Variants in FAM110B observed in about 807,000 individuals in gnomAD.
FAM110B encodes protein FAM110B.
FAM110B carries 6 observed loss-of-function variants against 20.4 expected under a neutral mutation model. That is an observed-to-expected ratio of 0.29 (90% confidence interval 0.16 to 0.58). The LOEUF is 0.58. Among genes scored for constraint, FAM110B ranks in the 20% least tolerant of loss-of-function variants. FAM110B has a pLI of 0.90. For missense variants in FAM110B, 434 were observed against 498.2 expected (o/e 0.87, Z 1.23); for synonymous variants, 226 against 214.1 (o/e 1.06, Z -0.49).
At chr8:58,103,070 T>C (rs1013267517) in intron 3 of FAM110B, among the ~76,000 whole-genome samples, 12 of 151,626 alleles carry the variant, frequency 7.9e-5, no homozygotes, top group Non-Finnish European at 1.2e-4. Flanking sequence ...AAACTCCTAT[T>C]TTGTTTAAAA....
chr8:57,999,815 G>T (rs1051516150), intron 1 of FAM110B, among the ~76,000 whole-genome samples: 6 of 152,094 alleles, frequency 3.9e-5, no homozygotes, highest in Admixed American at 1.3e-4. Flanking sequence ...TTTTCCATCT[G>T]GGCTTGGTGG....
At chr8:58,047,560 C>T (rs1301072865) in intron 2 of FAM110B, among the ~76,000 whole-genome samples, 9 of 137,564 alleles carry the variant, frequency 6.5e-5, no homozygotes, top group African/African-American at 2.1e-4. Flanking sequence ...GCACTCTGTA[C>T]CTCATCAAAT....
At chr8:58,046,664 TCAATGTATCCCTC>T (rs1372930890) in intron 2 of FAM110B, among the ~76,000 whole-genome samples, 1 of 152,200 alleles carries the variant, frequency 6.6e-6, no homozygotes, top group East Asian at 1.9e-4. Context: ...AAGAAGAAAA[TCAATGTATCCCTC>T]TTACCATAGG....
intron 2 of FAM110B, among the ~76,000 whole-genome samples, chr8:58,068,144 T>C (rs2150588790): frequency 6.6e-6 from 1 of 152,352 alleles, no homozygotes; most frequent in East Asian, 1.9e-4. Flanking sequence ...GAAGTGTTAC[T>C]AGCCTGTATC....
At chr8:58,001,375 G>GGT (rs10586422) in intron 1 of FAM110B, among the ~76,000 whole-genome samples, 27 of 151,256 alleles carry the variant, frequency 1.8e-4, no homozygotes, top group East Asian at 3.9e-4. Flanking sequence ...AGTGTGTGCA[G>GGT]GTGTGTGTGT....
chr8:58,084,393 CT>C lies in FAM110B; in HGVS notation c.-325+8785del, dbSNP rs574705921. On this transcript the variant is annotated intron_variant, in intron 3 of 3. Coordinates refer to ENST00000519262, the MANE Select transcript of FAM110B (RefSeq NM_001377989.1). ...GCAGTGGACTTGAATCTCCATTTTC[CT>C]TTTTTTTTTTTTTTGAGACGGAGTC... Among the ~76,000 whole-genome samples the C allele has an allele frequency of 2.5e-3, 346 of 140,664 alleles. 1 individual carries two copies. Among genetic ancestry groups the C allele is most frequent in the African/African-American group, 5.1e-3 (197 of 38,718 alleles). The allele number at this position is 140,664 out of a possible 152,430, so 92.3% of individuals were successfully genotyped here.
intron 3 of FAM110B, among the ~76,000 whole-genome samples, chr8:58,081,975 TTA>T (rs1806203815): frequency 6.6e-6 from 1 of 152,184 alleles, no homozygotes. Context: ...TATGATCAAT[TTA>T]TTTAAAACTT....
chr8:58,016,589 C>G (rs1367136944), intron 1 of FAM110B, among the ~76,000 whole-genome samples: 1 of 152,186 alleles, frequency 6.6e-6, no homozygotes, highest in African/African-American at 2.4e-5. Flanking sequence ...CAGCCAAGAA[C>G]CTGAAGGAAG....
At chr8:58,066,523 T>C (rs997333949) in intron 2 of FAM110B, among the ~76,000 whole-genome samples, 16 of 152,104 alleles carry the variant, frequency 1.1e-4, no homozygotes, top group Admixed American at 1.0e-3. Context: ...GCTGAGTAAG[T>C]GTCTGGTATG....
intron 3 of FAM110B, among the ~76,000 whole-genome samples, chr8:58,098,323 T>A (rs529692021): frequency 1.4e-4 from 21 of 152,236 alleles, no homozygotes; most frequent in Non-Finnish European, 2.8e-4. Flanking sequence ...TCGAACTTCC[T>A]GGCAGCTTTG....
At chr8:58,056,643 G>A (rs1369130691) in intron 2 of FAM110B, among the ~76,000 whole-genome samples, 2 of 152,198 alleles carry the variant, frequency 1.3e-5, no homozygotes, top group Non-Finnish European at 2.9e-5. Flanking sequence ...AATCACATGA[G>A]AACTTAGTTT....
intron 3 of FAM110B, among the ~76,000 whole-genome samples, chr8:58,097,861 C>A (rs1057058241): frequency 6.6e-6 from 1 of 152,162 alleles, no homozygotes; most frequent in African/African-American, 2.4e-5. Flanking sequence ...CACTCCAGAC[C>A]CTGTTTGCAT....
At chr8:58,115,424 C>T (rs1325335334) in intron 3 of FAM110B, among the ~76,000 whole-genome samples, 1 of 151,968 alleles carries the variant, frequency 6.6e-6, no homozygotes, top group Non-Finnish European at 1.5e-5. Flanking sequence ...GACAGAGTCT[C>T]GCTTTGTTGC....
chr8:58,046,852 G>T (rs1197626692), intron 2 of FAM110B, among the ~76,000 whole-genome samples: 1 of 152,182 alleles, frequency 6.6e-6, no homozygotes, highest in African/African-American at 2.4e-5. Context: ...CTTTACTGTA[G>T]TGACTATAGT....
intron 3 of FAM110B, among the ~76,000 whole-genome samples, chr8:58,098,760 A>G (rs7004271): frequency 0.31 from 47,520 of 151,584 alleles, 10,429 homozygotes; most frequent in African/African-American, 0.64. Flanking sequence ...AGCCCCTCAC[A>G]GCTTCCCTTG....
chr8:58,075,768 A>AAAAAT (rs904689892), intron 3 of FAM110B, 145 bp downstream of exon 3: 14 of 152,266 alleles, frequency 9.2e-5, no homozygotes, highest in African/African-American at 2.4e-4. Context: ...TAAATATTTA[A>AAAAAT]AAAATAAAAT....
intron 3 of FAM110B, among the ~76,000 whole-genome samples, chr8:58,141,481 A>G (rs1027567351): frequency 3.3e-5 from 5 of 152,174 alleles, no homozygotes; most frequent in East Asian, 1.9e-4. Context: ...TGCTCTTTCA[A>G]TACCCCCCTT....
At chr8:58,138,777 T>C (rs1803679288) in intron 3 of FAM110B, among the ~76,000 whole-genome samples, 1 of 152,214 alleles carries the variant, frequency 6.6e-6, no homozygotes, top group Non-Finnish European at 1.5e-5. Context: ...TAAGTCAAAA[T>C]AACTTTTCCG....
chr8:58,083,067 T>C (rs1289737078), intron 3 of FAM110B, among the ~76,000 whole-genome samples: 1 of 151,982 alleles, frequency 6.6e-6, no homozygotes, highest in African/African-American at 2.4e-5. Flanking sequence ...GACTGAAGTT[T>C]TTTGTACATA....
Sources: allele counts gnomAD v4.1 joint callset (sites outside exome capture counted in the v4.1 genomes callset), GRCh38; gene constraint gnomAD v4.1.1; transcripts MANE v1.5; gene names NCBI Gene and HGNC (gene_info 2026-07-23, HGNC 2026-07-21).